The following FAM171A1 variants were observed in gnomAD, a reference collection of about 807,000 sequenced individuals.
The protein encoded by FAM171A1 is protein FAM171A1.
Under a neutral mutation model 74.9 loss-of-function variants are expected in FAM171A1, and 23 were observed. The observed-to-expected ratio is 0.31, with a 90% CI of 0.22 to 0.44. FAM171A1 has a LOEUF of 0.44. FAM171A1 is among the 20% of genes least tolerant of loss of function. The probability of loss-of-function intolerance (pLI) is 1.00; values close to 1 mark genes in which losing one functional copy is unlikely to be tolerated. For synonymous variants in FAM171A1, 527 were observed against 505.7 expected, an observed-to-expected ratio of 1.04 and a Z score of -0.57; for missense variants, 1,162 against 1,159.2, an observed-to-expected ratio of 1.00 and a Z score of -0.03.
chr10:15,322,779 T>C (rs943898842), intron 1 of FAM171A1, among the ~76,000 whole-genome samples: 6 of 152,200 alleles, frequency 3.9e-5, no homozygotes, highest in African/African-American at 1.4e-4. Flanking sequence ...TGGACTTATC[T>C]TCATCAGGCA....
At chr10:15,305,864 G>A (rs1293578523) in intron 1 of FAM171A1, among the ~76,000 whole-genome samples, 1 of 152,136 alleles carries the variant, frequency 6.6e-6, no homozygotes, top group Non-Finnish European at 1.5e-5. Flanking sequence ...AAGGCTTGCT[G>A]GTGCCTATGT....
intron 5 of FAM171A1, 131 bp from the exon 6 acceptor site, chr10:15,221,191 AAAG>A: frequency 1.5e-6 from 1 of 672,830 alleles, no homozygotes; most frequent in Non-Finnish European, 2.3e-6. Context: ...CAAGATGGCC[AAAG>A]TGTCATCTAG....
rs116385384 is a variant in FAM171A1, at chr10:15,361,241, C to T, written c.97+9715G>A. On this transcript the variant is annotated intron_variant, in intron 1 of 7. Coordinates refer to ENST00000378116, the MANE Select transcript of FAM171A1 (RefSeq NM_001010924.2). Reference sequence around the variant, plus strand: ...TATACATTTCCCTTAGAATACACTTCTTATTGACTCCTCTGTGAGGGAAGA... The same window carrying T: ...TATACATTTCCCTTAGAATACACTTTTTATTGACTCCTCTGTGAGGGAAGA... Among the ~76,000 whole-genome samples the T allele has an allele frequency of 4.5e-3, 687 of 152,292 alleles. 6 individuals are homozygous for T. The highest frequency in any genetic ancestry group is 0.016 in the African/African-American group (660 of 41,552).
chr10:15,220,052 TGAACTTGCATTTTA>T (rs1239145155), intron 6 of FAM171A1, among the ~76,000 whole-genome samples: 2 of 152,240 alleles, frequency 1.3e-5, no homozygotes, highest in Non-Finnish European at 2.9e-5. Flanking sequence ...CTAAAATATT[TGAACTTGCATTTTA>T]GAACTGCCTT....
intron 7 of FAM171A1, among the ~76,000 whole-genome samples, 178 bp from the exon 8 acceptor site, chr10:15,214,779 CA>C (rs1248990684): frequency 6.9e-6 from 1 of 144,878 alleles, no homozygotes; most frequent in Non-Finnish European, 1.5e-5. Context: ...TTTTTTGAGA[CA>C]GCATCTTGCT....
At chr10:15,336,201 A>C (rs1359930423) in intron 1 of FAM171A1, among the ~76,000 whole-genome samples, 1 of 152,212 alleles carries the variant, frequency 6.6e-6, no homozygotes, top group Non-Finnish European at 1.5e-5. Flanking sequence ...ACCTAGAGTC[A>C]TACCAGGATG....
intron 1 of FAM171A1, among the ~76,000 whole-genome samples, chr10:15,297,668 C>T (rs1835177019): frequency 6.6e-6 from 1 of 152,196 alleles, no homozygotes. Context: ...TAGACATACT[C>T]TGATTTTCTA....
intron 6 of FAM171A1, among the ~76,000 whole-genome samples, chr10:15,220,434 G>A (rs1200922435): frequency 6.6e-6 from 1 of 152,184 alleles, no homozygotes; most frequent in Non-Finnish European, 1.5e-5. Flanking sequence ...TATTGGTCAC[G>A]TTCTGAAAGA....
At chr10:15,291,141 C>T (rs1018015553) in intron 1 of FAM171A1, among the ~76,000 whole-genome samples, 11 of 152,292 alleles carry the variant, frequency 7.2e-5, no homozygotes, top group South Asian at 2.1e-4. Context: ...TGAGCCACCA[C>T]GTCCGGCCAT....
At chr10:15,312,606 T>C (rs1306257719) in intron 1 of FAM171A1, among the ~76,000 whole-genome samples, 6 of 149,616 alleles carry the variant, frequency 4.0e-5, no homozygotes. Flanking sequence ...CTGAACTGTT[T>C]GTTACTCTTT....
At chr10:15,288,321 T>TC (rs1438262880) in intron 1 of FAM171A1, among the ~76,000 whole-genome samples, 2 of 152,124 alleles carry the variant, frequency 1.3e-5, no homozygotes, top group East Asian at 3.9e-4. Flanking sequence ...CTTTTTTTTT[T>TC]CATAGGTTTT....
chr10:15,254,557 C>T (rs111573892), intron 4 of FAM171A1, among the ~76,000 whole-genome samples, 164 bp downstream of exon 4: 52 of 152,300 alleles, frequency 3.4e-4, no homozygotes, highest in African/African-American at 8.7e-4. Flanking sequence ...CTCGTACCGA[C>T]GTAACACAGT....
At chr10:15,301,066 A>T (rs1421912459) in intron 1 of FAM171A1, among the ~76,000 whole-genome samples, 1 of 152,194 alleles carries the variant, frequency 6.6e-6, no homozygotes, top group Non-Finnish European at 1.5e-5. Context: ...GAGCTGGAGG[A>T]ACAGCAGAAG....
At chr10:15,228,667 G>A (rs1376173559) in intron 5 of FAM171A1, among the ~76,000 whole-genome samples, 2 of 152,202 alleles carry the variant, frequency 1.3e-5, no homozygotes, top group African/African-American at 2.4e-5. Context: ...ACTATGCTGA[G>A]ATTTGTTAGC....
At chr10:15,273,342 G>A (rs113534408) in intron 3 of FAM171A1, among the ~76,000 whole-genome samples, 1,651 of 152,238 alleles carry the variant, frequency 0.011, 26 homozygotes, top group African/African-American at 0.037. Flanking sequence ...ACTAAACCAC[G>A]AAGAAGTTGA....
At chr10:15,329,063 C>T (rs1257063433) in intron 1 of FAM171A1, among the ~76,000 whole-genome samples, 6 of 152,168 alleles carry the variant, frequency 3.9e-5, no homozygotes, top group Non-Finnish European at 5.9e-5. Context: ...GCTGCTGACA[C>T]GGTGACAGGT....
chr10:15,258,660 G>A (rs1300856556), intron 3 of FAM171A1, among the ~76,000 whole-genome samples: 2 of 152,020 alleles, frequency 1.3e-5, no homozygotes, highest in Non-Finnish European at 2.9e-5. Flanking sequence ...TGTGTGATCC[G>A]CAAACCCCAT....
intron 3 of FAM171A1, among the ~76,000 whole-genome samples, chr10:15,255,702 T>C (rs1237983517): frequency 2.6e-5 from 4 of 151,200 alleles, no homozygotes; most frequent in African/African-American, 9.7e-5. Context: ...CAGGCTGGAG[T>C]GCAGCGGTGT....
chr10:15,244,450 T>TA (rs1834404901), intron 5 of FAM171A1, among the ~76,000 whole-genome samples: 1 of 152,182 alleles, frequency 6.6e-6, no homozygotes, highest in African/African-American at 2.4e-5. Flanking sequence ...GCTCTTGAGA[T>TA]AGAGACTGTA....
Sources: allele counts gnomAD v4.1 joint callset (sites outside exome capture counted in the v4.1 genomes callset), GRCh38; gene constraint gnomAD v4.1.1; transcripts MANE v1.5; gene names NCBI Gene and HGNC (gene_info 2026-07-23, HGNC 2026-07-21).